Variants in HS6ST3 observed in about 807,000 individuals in gnomAD.
The protein encoded by HS6ST3 is heparan sulfate 6-O-sulfotransferase 3, also known as heparan-sulfate 6-O-sulfotransferase 3.
Under a neutral mutation model 36.7 loss-of-function variants are expected in HS6ST3, and 12 were observed. The observed-to-expected ratio is 0.33, with a 90% CI of 0.21 to 0.53. The LOEUF is 0.53. HS6ST3 is among the 20% of genes least tolerant of loss of function. The probability of loss-of-function intolerance (pLI) is 0.95; values close to 1 mark genes in which losing one functional copy is unlikely to be tolerated. For missense variants in HS6ST3, 584 were observed against 640.9 expected (o/e 0.91, Z 0.96); for synonymous variants, 240 against 257.5 (o/e 0.93, Z 0.65).
intron 1 of HS6ST3, among the ~76,000 whole-genome samples, chr13:96,629,399 A>G (rs962554664): frequency 6.6e-6 from 1 of 152,162 alleles, no homozygotes; most frequent in African/African-American, 2.4e-5. Flanking sequence ...CTCTTGAAGC[A>G]TATCCTTTAG....
Position 96,828,030 on chromosome 13 carries a change from G to A in HS6ST3, c.708-4460G>A, listed in dbSNP as rs143088673. Among the ~76,000 whole-genome samples, 577 of 152,290 alleles carry A rather than the reference G, an allele frequency of 3.8e-3. 2 individuals carry two copies. Among genetic ancestry groups the A allele is most frequent in the Non-Finnish European group, 5.7e-3 (385 of 68,018 alleles). ...CTTCCTCTTGGAGCCCAGAAGCTGT[G>A]TCAGTCACTTTCTGCTTTCCCTGCT... On this transcript the variant is annotated intron_variant, in intron 1 of 1. Transcript: ENST00000376705.
chr13:96,244,030 T>C (rs1407811168), intron 1 of HS6ST3, among the ~76,000 whole-genome samples: 1 of 152,048 alleles, frequency 6.6e-6, no homozygotes, highest in Non-Finnish European at 1.5e-5. Flanking sequence ...GAATCTTAAT[T>C]TGTTCAAATT....
At chr13:96,225,323 G>A (rs1379066018) in intron 1 of HS6ST3, among the ~76,000 whole-genome samples, 1 of 152,096 alleles carries the variant, frequency 6.6e-6, no homozygotes, top group Non-Finnish European at 1.5e-5. Context: ...AGCTATATGG[G>A]GTTTATTCCT....
chr13:96,822,269 A>G (rs1009255691), intron 1 of HS6ST3, among the ~76,000 whole-genome samples: 1 of 152,198 alleles, frequency 6.6e-6, no homozygotes, highest in Admixed American at 6.5e-5. Context: ...GAGCCTTGAG[A>G]CATCCTCATG....
At chr13:96,186,716 T>C (rs1222702422) in intron 1 of HS6ST3, among the ~76,000 whole-genome samples, 2 of 152,224 alleles carry the variant, frequency 1.3e-5, no homozygotes, top group African/African-American at 4.8e-5. Context: ...ATGACATTTT[T>C]CCCCTGAATG....
At chr13:96,495,073 C>A (rs989238367) in intron 1 of HS6ST3, among the ~76,000 whole-genome samples, 10 of 152,116 alleles carry the variant, frequency 6.6e-5, no homozygotes, top group Admixed American at 2.0e-4. Flanking sequence ...GTCTTGACAT[C>A]TTTTTTACTC....
At chr13:96,307,869 G>A (rs1317598909) in intron 1 of HS6ST3, among the ~76,000 whole-genome samples, 3 of 152,090 alleles carry the variant, frequency 2.0e-5, no homozygotes, top group Non-Finnish European at 2.9e-5. Context: ...CTTACAAGCT[G>A]TTAGAGTGGG....
intron 1 of HS6ST3, among the ~76,000 whole-genome samples, chr13:96,268,594 G>A (rs1594738209): frequency 6.6e-6 from 1 of 151,916 alleles, no homozygotes; most frequent in African/African-American, 2.4e-5. Context: ...TAATGTGAGA[G>A]CATATATCAC....
At chr13:96,453,984 T>A (rs1471043120) in intron 1 of HS6ST3, among the ~76,000 whole-genome samples, 1 of 152,170 alleles carries the variant, frequency 6.6e-6, no homozygotes, top group Non-Finnish European at 1.5e-5. Flanking sequence ...TTGGTCATCA[T>A]TGGAAGGAAT....
intron 1 of HS6ST3, among the ~76,000 whole-genome samples, chr13:96,180,050 G>T (rs2054232146): frequency 6.6e-6 from 1 of 152,096 alleles, no homozygotes; most frequent in Non-Finnish European, 1.5e-5. Context: ...GGCCAGGCTG[G>T]TCTCAAACTC....
At chr13:96,124,459 TAACTA>T (rs1296672262) in intron 1 of HS6ST3, among the ~76,000 whole-genome samples, 1 of 151,790 alleles carries the variant, frequency 6.6e-6, no homozygotes, top group Non-Finnish European at 1.5e-5. Context: ...ATCAAATAAA[TAACTA>T]AAATAAGATA....
At chr13:96,422,746 G>A (rs1244091245) in intron 1 of HS6ST3, among the ~76,000 whole-genome samples, 1 of 152,046 alleles carries the variant, frequency 6.6e-6, no homozygotes, top group Non-Finnish European at 1.5e-5. Flanking sequence ...GTATACTTGT[G>A]GAATTAAATG....
chr13:96,379,520 T>C (rs2055330902), intron 1 of HS6ST3, among the ~76,000 whole-genome samples: 1 of 152,230 alleles, frequency 6.6e-6, no homozygotes, highest in Non-Finnish European at 1.5e-5. Flanking sequence ...TAAATTTCTA[T>C]TGTTTATAAA....
chr13:96,748,055 A>G (rs540733746), intron 1 of HS6ST3, among the ~76,000 whole-genome samples: 1 of 152,154 alleles, frequency 6.6e-6, no homozygotes, highest in South Asian at 2.1e-4. Flanking sequence ...CATCTCTCCT[A>G]TTGGCTTGTC....
intron 1 of HS6ST3, among the ~76,000 whole-genome samples, chr13:96,570,433 A>G (rs2056296915): frequency 6.6e-6 from 1 of 152,222 alleles, no homozygotes; most frequent in Non-Finnish European, 1.5e-5. Context: ...GATTAATGCG[A>G]CATTGAAATC....
chr13:96,286,703 G>C (rs1056287799), intron 1 of HS6ST3, among the ~76,000 whole-genome samples: 1 of 152,132 alleles, frequency 6.6e-6, no homozygotes, highest in East Asian at 1.9e-4. Context: ...TCACTCTCCT[G>C]ATGGGAGATA....
rs2056551493 is a variant in HS6ST3 at position 96,636,819 on chromosome 13, C to G, written c.708-195671C>G. ...ACGAGGGCAGGAGTTCAGTAGAAGC[C>G]AGTTATGAATTTATATATATTTGGA... On this transcript the variant is annotated intron_variant, in intron 1 of 1. Transcript: ENST00000376705. Among the ~76,000 whole-genome samples, 7 of 152,070 alleles carry G rather than the reference C, an allele frequency of 4.6e-5. No homozygotes were observed. The South Asian group carries it at 1.5e-3, about 32-fold the overall frequency.
At position 96,417,732 on chromosome 13, in the gene HS6ST3, TCACACA is replaced by T. The variant is rs1211935095; in HGVS notation, c.707+326186_707+326191del. Reference sequence around the variant, plus strand: ...TACGTATCTGTATATATAGCTTATTTCACACACACACACACACACACACACACATAA... The same window carrying T: ...TACGTATCTGTATATATAGCTTATTTCACACACACACACACACACACATAA... On this transcript the variant is annotated intron_variant, in intron 1 of 1. Transcript: ENST00000376705. Among the ~76,000 whole-genome samples, 109 of 137,298 alleles carry T rather than the reference TCACACA, an allele frequency of 7.9e-4. No individual in the cohort carries two copies. The South Asian group carries it at 0.016, about 20-fold the overall frequency. 90.1% of individuals were successfully genotyped at this position (137,298 alleles called of 152,430 possible). A position where few individuals can be genotyped will look rare whatever the true frequency, so the allele number is the denominator to read the frequency against.
intron 1 of HS6ST3, among the ~76,000 whole-genome samples, chr13:96,277,922 A>T (rs550342286): frequency 6.6e-6 from 1 of 152,176 alleles, no homozygotes; most frequent in African/African-American, 2.4e-5. Context: ...GGGAATGGAA[A>T]ATGACATGAG....
Sources: allele counts gnomAD v4.1 joint callset (sites outside exome capture counted in the v4.1 genomes callset), GRCh38; gene constraint gnomAD v4.1.1; transcripts MANE v1.5; gene names NCBI Gene and HGNC (gene_info 2026-07-23, HGNC 2026-07-21).